Variants in NELL1 observed in about 807,000 individuals in gnomAD.
NELL1 encodes the protein neural EGFL like 1.
Under a neutral mutation model 107.4 loss-of-function variants are expected in NELL1, and 76 were observed. The ratio of observed to expected loss-of-function variants is 0.71; its 90% CI spans 0.59 to 0.86. The LOEUF (loss-of-function observed/expected upper bound fraction) is 0.86, where lower values mean the gene tolerates loss of function less well. NELL1 is among the 40% of genes least tolerant of loss of function. NELL1 has a pLI of 0.00. For missense variants in NELL1, 1,024 were observed against 1,005.5 expected (o/e 1.02, Z -0.25); for synonymous variants, 353 against 341.2 (o/e 1.03, Z -0.38).
intron 15 of NELL1, among the ~76,000 whole-genome samples, chr11:21,440,421 A>C (rs932253052): frequency 6.6e-6 from 1 of 152,162 alleles, no homozygotes; most frequent in African/African-American, 2.4e-5. Context: ...TCTGCATTTA[A>C]AAGTATTTAT....
chr11:20,762,758 A>G (rs771866741), intron 2 of NELL1, among the ~76,000 whole-genome samples: 5 of 151,760 alleles, frequency 3.3e-5, no homozygotes, highest in Non-Finnish European at 7.4e-5. Context: ...TCTGTGGTTG[A>G]TCAAAATATT....
chr11:20,824,251 T>C (rs1420414354), intron 3 of NELL1, among the ~76,000 whole-genome samples: 1 of 151,330 alleles, frequency 6.6e-6, no homozygotes, highest in East Asian at 1.9e-4. Context: ...GCAAGTTTCC[T>C]GGGGACTTCC....
intron 3 of NELL1, among the ~76,000 whole-genome samples, 184 bp from the exon 4 acceptor site, chr11:20,847,399 G>A (rs556267596): frequency 3.3e-5 from 5 of 152,184 alleles, no homozygotes; most frequent in South Asian, 2.1e-4. Context: ...ATGTTGCCAC[G>A]AGGGTTCTCA....
At chr11:20,964,972 A>AT (rs988191957) in intron 12 of NELL1, among the ~76,000 whole-genome samples, 39 of 152,050 alleles carry the variant, frequency 2.6e-4, no homozygotes, top group African/African-American at 9.4e-4. Flanking sequence ...CATTGGTAGG[A>AT]TTTGGGGGTG....
chr11:20,903,297 G>A (rs773452842), intron 5 of NELL1, among the ~76,000 whole-genome samples: 4 of 152,036 alleles, frequency 2.6e-5, no homozygotes, highest in Non-Finnish European at 5.9e-5. Flanking sequence ...TCTGTAGCTA[G>A]TTACTTCCTG....
rs370309798 is a variant in NELL1, at chr11:21,520,151, G to A, written c.1646-14223G>A. ...CAATACATCCATCTCACAATATGCC[G>A]TAGGACTGACATAAAAAGAGGCCTA... On this transcript the variant is annotated intron_variant, in intron 15 of 19. Transcript: ENST00000357134. 1.4e-4 allele frequency among the ~76,000 whole-genome samples: 21 copies of A among 152,226 alleles called. No homozygotes were observed. The East Asian group carries it at 2.1e-3, about 15-fold the overall frequency.
intron 14 of NELL1, among the ~76,000 whole-genome samples, chr11:21,335,782 G>A (rs925698522): frequency 6.6e-6 from 1 of 152,050 alleles, no homozygotes; most frequent in Non-Finnish European, 1.5e-5. Context: ...ATGATGCCAA[G>A]TACATCTTAA....
At chr11:21,218,276 C>T (rs1857666100) in intron 13 of NELL1, among the ~76,000 whole-genome samples, 1 of 152,126 alleles carries the variant, frequency 6.6e-6, no homozygotes. Flanking sequence ...AAATGCCTAT[C>T]TGTTCACAAC....
intron 14 of NELL1, among the ~76,000 whole-genome samples, chr11:21,271,509 A>G (rs912767592): frequency 3.5e-4 from 53 of 152,344 alleles, no homozygotes; most frequent in East Asian, 3.9e-4. Flanking sequence ...CAGAAGCACC[A>G]GGCCCAGATG....
At chr11:20,930,675 C>T (rs1036756658) in intron 9 of NELL1, among the ~76,000 whole-genome samples, 3 of 152,126 alleles carry the variant, frequency 2.0e-5, no homozygotes, top group East Asian at 3.8e-4. Flanking sequence ...ATTGCCCTCT[C>T]ACTAGACGTG....
chr11:21,575,180 T>C lies in NELL1; in HGVS notation c.*158T>C. The C allele has an allele frequency of 1.5e-6, 1 of 655,696 alleles. No homozygotes were observed. The highest frequency in any genetic ancestry group is 2.7e-6 in the Non-Finnish European group (1 of 371,420). The allele number at this position is 655,696 out of a possible 1,614,324, so 40.6% of individuals were successfully genotyped here. ...CTGAGGACGGTGTTTGGAGGTTGCC[T>C]TTTGGACCTACCACTTTGCTCATTC... On this transcript the variant is annotated 3_prime_UTR_variant, in exon 20 of 20. Transcript: ENST00000357134.
At chr11:21,573,458 A>C in intron 19 of NELL1, 49 bp downstream of exon 19, 1 of 1,523,380 alleles carries the variant, frequency 6.6e-7, no homozygotes. Context: ...TTGCCAGAGA[A>C]CACTTGCAGG....
In NELL1 at chr11:21,392,446, C is replaced by A. The variant is rs898886416; in HGVS notation, c.1645+21498C>A. On this transcript the variant is annotated intron_variant, in intron 15 of 19. Transcript: ENST00000357134. ...CATTCATCCACCTCTTTTCTAGATT[C>A]CAAAATTATGTTACTTTTATCATTT... Among the ~76,000 whole-genome samples the A allele has an allele frequency of 4.6e-5, 7 of 151,748 alleles. No individual in the cohort carries two copies. The East Asian group carries it at 1.4e-3, about 30-fold the overall frequency.
rs540976557 is a variant in NELL1, at chr11:21,201,808, C to A, written c.1427-27524C>A. ...TATTTTGAGATACAGTCTGTCAATA[C>A]CTAGTTTATTGAGAGTTTTTAGCAT... On this transcript the variant is annotated intron_variant, in intron 13 of 19. Coordinates refer to ENST00000357134, the MANE Select transcript of NELL1 (RefSeq NM_006157.5). 3.9e-5 allele frequency among the ~76,000 whole-genome samples: 6 copies of A among 152,172 alleles called. No individual in the cohort carries two copies. In the South Asian group the frequency reaches 1.2e-3, roughly 32 times the overall value.
chr11:21,169,651 G>T, intron 13 of NELL1: 1 of 451,924 alleles, frequency 2.2e-6, no homozygotes, highest in South Asian at 3.7e-5. Context: ...GTATGTTTAG[G>T]CAAACCCCTT....
intron 2 of NELL1, among the ~76,000 whole-genome samples, chr11:20,727,720 A>C (rs1186543173): frequency 9.9e-5 from 15 of 152,128 alleles, no homozygotes; most frequent in Non-Finnish European, 2.9e-5. Context: ...TAGGGTTTTT[A>C]TGGTTTTAGG....
chr11:21,575,048 A>T lies in NELL1; in HGVS notation c.*26A>T, dbSNP rs2134018261. 1 of 1,583,866 alleles carries T rather than the reference A, an allele frequency of 6.3e-7. No homozygotes were observed. Among genetic ancestry groups the T allele is most frequent in the Non-Finnish European group, 8.7e-7 (1 of 1,153,582 alleles). ...AGTATTTACAGTGGACTCAACGCAG[A>T]AGAATGGACGAAATGACCATCCAAC... is the stretch of plus-strand genomic sequence containing the variant. On this transcript the variant is annotated 3_prime_UTR_variant, in exon 20 of 20. Transcript: ENST00000357134.
At chr11:21,194,649 G>A (rs1038935694) in intron 13 of NELL1, among the ~76,000 whole-genome samples, 3 of 151,984 alleles carry the variant, frequency 2.0e-5, no homozygotes, top group Non-Finnish European at 4.4e-5. Flanking sequence ...AAATCCTCAG[G>A]CCCTAAGCAA....
intron 14 of NELL1, among the ~76,000 whole-genome samples, chr11:21,336,128 T>C (rs1306922910): frequency 6.6e-6 from 1 of 152,096 alleles, no homozygotes; most frequent in East Asian, 1.9e-4. Flanking sequence ...AGTGTTTTTT[T>C]CGTAAACTTT....
Sources: gnomAD v4.1 joint callset for allele counts (sites outside exome capture counted in the v4.1 genomes callset) on GRCh38, gnomAD v4.1.1 for gene constraint, MANE v1.5 for transcripts, NCBI Gene and HGNC (gene_info 2026-07-23, HGNC 2026-07-21) for gene names.